The following GBF1 variants were observed in gnomAD, a reference collection of about 807,000 sequenced individuals.
The protein encoded by GBF1 is Golgi-specific brefeldin A-resistance guanine nucleotide exchange factor 1.
In GBF1, 114 loss-of-function variants were observed where a neutral mutation model predicts 210.5. The ratio of observed to expected loss-of-function variants is 0.54; its 90% confidence interval spans 0.47 to 0.63. The LOEUF (loss-of-function observed/expected upper bound fraction) is 0.63, where lower values mean the gene tolerates loss of function less well. Ranked by LOEUF, GBF1 falls within the 30% of genes least tolerant of loss-of-function variation. The probability of loss-of-function intolerance (pLI) is 0.00; values close to 1 mark genes in which losing one functional copy is unlikely to be tolerated. For synonymous variants in GBF1, 850 were observed against 889.2 expected, an observed-to-expected ratio of 0.96 and a Z score of 0.78; for missense variants, 1,851 against 2,357.7, an observed-to-expected ratio of 0.79 and a Z score of 4.45.
chr10:102,324,978 A>G lies in GBF1; in HGVS notation c.164-19073A>G, dbSNP rs117844070. ...GTGAGAATTACATGAGTTGATGTGT[A>G]TAAGGTGCCTAGTACAATGCATACC... On this transcript the variant is annotated intron_variant, in intron 3 of 39. Transcript: ENST00000369983. Among the ~76,000 whole-genome samples, 226 of 152,308 alleles carry G rather than the reference A, an allele frequency of 1.5e-3. 3 individuals are homozygous for G. In the East Asian group the frequency reaches 0.038, roughly 26 times the overall value.
rs375413032 is a variant in GBF1, at chr10:102,365,875, T to TGATAGAGTGA, written c.2309+300_2309+309dup. Among the ~76,000 whole-genome samples, 7 of 148,164 alleles carry TGATAGAGTGA rather than the reference T, an allele frequency of 4.7e-5. No individual in the cohort carries two copies. In the East Asian group the frequency reaches 7.7e-4, roughly 16 times the overall value. ...GCAGTGAGCTGTGATCATGCCACTG[T>TGATAGAGTGA]GATAGAGTGAGATAGAGTGAGATAG... On this transcript the variant is annotated intron_variant, in intron 18 of 39. Coordinates refer to ENST00000369983, the MANE Select transcript of GBF1 (RefSeq NM_001377137.1).
intron 3 of GBF1, among the ~76,000 whole-genome samples, chr10:102,286,194 G>GTTTTTTTTTTTTTTTTTTTTT (rs55904022): frequency 4.0e-5 from 5 of 126,368 alleles, no homozygotes; most frequent in African/African-American, 1.3e-4. Context: ...AAGCATAAGG[G>GTTTTTTTTTTTTTTTTTTTTT]TTTTTTTTTT....
In GBF1 at chr10:102,260,473, C is replaced by CTTTTTTTTTTTTTTT. The variant is rs879575033; in HGVS notation, c.163+359_163+360insTTTTTTTTTTTTTTT. Among the ~76,000 whole-genome samples the CTTTTTTTTTTTTTTT allele has an allele frequency of 3.2e-3, 236 of 74,702 alleles. 30 individuals carry two copies. Among genetic ancestry groups the CTTTTTTTTTTTTTTT allele is most frequent in the African/African-American group, 6.8e-3 (98 of 14,356 alleles). The allele number at this position is 74,702 out of a possible 152,430, so 49.0% of individuals were successfully genotyped here. A position where few individuals can be genotyped will look rare whatever the true frequency, so the allele number is the denominator to read the frequency against. On this transcript the variant is annotated intron_variant, in intron 3 of 39. Coordinates refer to ENST00000369983, the MANE Select transcript of GBF1 (RefSeq NM_001377137.1). ...CTGTGCCTGGCCTATATTTTCCTTT[C>CTTTTTTTTTTTTTTT]TTCTTTTTTTTTTTTTTTTTTTTTT...
At chr10:102,341,959 T>A (rs1376027202) in intron 3 of GBF1, among the ~76,000 whole-genome samples, 2 of 152,164 alleles carry the variant, frequency 1.3e-5, no homozygotes, top group Non-Finnish European at 2.9e-5. Flanking sequence ...CATGACCACT[T>A]TTAAGATAAC....
At chr10:102,331,317 T>C (rs879861496) in intron 3 of GBF1, among the ~76,000 whole-genome samples, 6 of 152,160 alleles carry the variant, frequency 3.9e-5, no homozygotes, top group Non-Finnish European at 8.8e-5. Context: ...TGGGGCCTCA[T>C]GAACATGATG....
At chr10:102,314,320 T>G (rs911355714) in intron 3 of GBF1, among the ~76,000 whole-genome samples, 3 of 151,672 alleles carry the variant, frequency 2.0e-5, no homozygotes, top group African/African-American at 7.3e-5. Context: ...AATTTTTAAT[T>G]TTTTTTGTAG....
At chr10:102,353,513 C>A in intron 7 of GBF1, 87 bp from the exon 8 acceptor site, 1 of 879,258 alleles carries the variant, frequency 1.1e-6, no homozygotes, top group Non-Finnish European at 2.0e-6. Flanking sequence ...CATGCTCTGG[C>A]TCAGAGCACC....
chr10:102,254,231 T>C (rs2072022751), intron 1 of GBF1, among the ~76,000 whole-genome samples: 1 of 152,114 alleles, frequency 6.6e-6, no homozygotes, highest in African/African-American at 2.4e-5. Context: ...TTATGCTGAG[T>C]TTATAAAAAT....
At chr10:102,343,357 A>C (rs1034456697) in intron 3 of GBF1, among the ~76,000 whole-genome samples, 1 of 152,176 alleles carries the variant, frequency 6.6e-6, no homozygotes, top group Non-Finnish European at 1.5e-5. Flanking sequence ...GGCTCTACCC[A>C]AGATGACGTT....
chr10:102,289,753 C>G (rs146297299), intron 3 of GBF1, among the ~76,000 whole-genome samples: 6 of 152,106 alleles, frequency 3.9e-5, no homozygotes, highest in Admixed American at 2.6e-4. Context: ...TTAACTGATT[C>G]TATAGAAGAC....
chr10:102,231,474 C>T, the GBF1 span: 1 of 698,784 alleles, frequency 1.4e-6, no homozygotes, highest in Non-Finnish European at 2.4e-6. Flanking sequence ...GAGCCAGGGT[C>T]CGGGGTCCGG....
intron 4 of GBF1, among the ~76,000 whole-genome samples, chr10:102,349,825 T>C (rs952276515): frequency 2.6e-5 from 4 of 152,162 alleles, no homozygotes; most frequent in African/African-American, 7.2e-5. Context: ...GAATGGGAGC[T>C]GAGTTCCCTG....
intron 1 of GBF1, among the ~76,000 whole-genome samples, chr10:102,251,698 T>G (rs2071560710): frequency 6.6e-6 from 1 of 151,956 alleles, no homozygotes; most frequent in South Asian, 2.1e-4. Flanking sequence ...GGACAACAGG[T>G]GTGCGCCACC....
chr10:102,344,696 G>A (rs2058418155), intron 4 of GBF1, among the ~76,000 whole-genome samples: 1 of 151,976 alleles, frequency 6.6e-6, no homozygotes, highest in African/African-American at 2.4e-5. Flanking sequence ...TAGCCAGGAT[G>A]GTTTCGATCT....
chr10:102,379,177 G>C (rs1483303916), intron 33 of GBF1, 107 bp from the exon 34 acceptor site: 1 of 1,024,156 alleles, frequency 9.8e-7, no homozygotes, highest in Non-Finnish European at 1.5e-6. Context: ...GGCATGATTG[G>C]TGCTAGGGAC....
At chr10:102,280,575 C>G (rs1325496157) in intron 3 of GBF1, among the ~76,000 whole-genome samples, 1 of 152,182 alleles carries the variant, frequency 6.6e-6, no homozygotes. Context: ...GGTTCCTCTG[C>G]TGGCTACCAT....
In GBF1 at chr10:102,344,182, G is replaced by T. The variant is rs763409813; in HGVS notation, c.295G>T (p.Asp99Tyr). The change falls in exon 4 of 40, where the codon GAT becomes TAT. Residue 99 changes from aspartate (D) to tyrosine (Y), a missense_variant and splice_region_variant. Asp to Tyr is a radical substitution (Grantham distance 160, BLOSUM62 -3). Transcript: ENST00000369983. ...CAAGTTCCTGTCCTATGCACTCATAGGTAAGAGCTCAGGCTTTGTTGCATG... is the reference window on the plus strand; with the variant it reads ...CAAGTTCCTGTCCTATGCACTCATATGTAAGAGCTCAGGCTTTGTTGCATG... ...VNKFLSYALI[D>Y]PTHEGTAEGM... The T allele has an allele frequency of 1.9e-6, 3 of 1,613,956 alleles. No individual in the cohort carries two copies. The highest frequency in any genetic ancestry group is 1.1e-5 in the South Asian group (1 of 91,074).
At chr10:102,258,335 T>C (rs1423829944) in intron 1 of GBF1, among the ~76,000 whole-genome samples, 1 of 151,046 alleles carries the variant, frequency 6.6e-6, no homozygotes, top group African/African-American at 2.4e-5. Context: ...TTTGTGTTTT[T>C]AGTGGAGAGA....
intron 3 of GBF1, among the ~76,000 whole-genome samples, chr10:102,318,066 G>A (rs1417061149): frequency 2.0e-5 from 3 of 150,874 alleles, no homozygotes; most frequent in Non-Finnish European, 3.0e-5. Context: ...CTGCCACCAC[G>A]CCTGGCTAAT....
Sources: gnomAD v4.1 joint callset for allele counts (sites outside exome capture counted in the v4.1 genomes callset) on GRCh38, gnomAD v4.1.1 for gene constraint, MANE v1.5 for transcripts, NCBI Gene and HGNC (gene_info 2026-07-23, HGNC 2026-07-21) for gene names.